RABGAP1L: variants seen among roughly 807,000 people sequenced by gnomAD.
RABGAP1L encodes the protein rab GTPase-activating protein 1-like.
Under a neutral mutation model 137.7 loss-of-function variants are expected in RABGAP1L, and 63 were observed. The observed-to-expected ratio is 0.46, with a 90% confidence interval of 0.37 to 0.56. RABGAP1L has a LOEUF of 0.56. RABGAP1L is among the 20% of genes least tolerant of loss of function. RABGAP1L has a pLI of 0.00. For synonymous variants in RABGAP1L, 431 were observed against 433.7 expected (o/e 0.99, Z 0.08); for missense variants, 1,095 against 1,244.0 (o/e 0.88, Z 1.80).
rs567089935 is a variant in RABGAP1L at position 174,314,412 on chromosome 1, C to T, written c.1465+9285C>T. On this transcript the variant is annotated intron_variant, in intron 11 of 25. Transcript: ENST00000681986. ...GTATCTTTTTGCTTTTTTTCTTAGTCTGGCTAAAGGTTTGTCAATTTTGTT... is the reference window on the plus strand; with the variant it reads ...GTATCTTTTTGCTTTTTTTCTTAGTTTGGCTAAAGGTTTGTCAATTTTGTT... Among the ~76,000 whole-genome samples, 5 of 152,136 alleles carry T rather than the reference C, an allele frequency of 3.3e-5. No individual in the cohort carries two copies. The East Asian group carries it at 9.6e-4, about 29-fold the overall frequency.
At chr1:174,195,649 C>CTTCCTTCCT (rs1667546083) in intron 1 of RABGAP1L, among the ~76,000 whole-genome samples, 7 of 116,284 alleles carry the variant, frequency 6.0e-5, no homozygotes, top group South Asian at 3.0e-4. Context: ...TCCTTCCTTC[C>CTTCCTTCCT]TTCCTTTCCT....
intron 19 of RABGAP1L, among the ~76,000 whole-genome samples, chr1:174,836,928 G>A (rs1416266900): frequency 6.6e-6 from 1 of 152,150 alleles, no homozygotes; most frequent in Non-Finnish European, 1.5e-5. Flanking sequence ...TGTTCCAGGC[G>A]GGGCGCAGTG....
rs966256140 is a variant in RABGAP1L at position 174,315,578 on chromosome 1, A to G, written c.1465+10451A>G. Among the ~76,000 whole-genome samples, 6 of 146,924 alleles carry G rather than the reference A, an allele frequency of 4.1e-5. No homozygotes were observed. The East Asian group carries it at 5.9e-4, about 14-fold the overall frequency. On this transcript the variant is annotated intron_variant, in intron 11 of 25. Transcript: ENST00000681986. ...TTCTTTCTTCCCTTCCTGTCTTTCT[A>G]TAGTGAAGATGATTTTCTCTGTTGC...
rs570215292 is a variant in RABGAP1L at position 174,234,354 on chromosome 1, T to C, written c.542+2999T>C. 8.6e-4 allele frequency among the ~76,000 whole-genome samples: 114 copies of C among 132,932 alleles called. 1 individual carries two copies. Among genetic ancestry groups the C allele is most frequent in the Non-Finnish European group, 1.3e-3 (89 of 65,994 alleles). 87.2% of individuals were successfully genotyped at this position (132,932 alleles called of 152,430 possible). A position where few individuals can be genotyped will look rare whatever the true frequency, so the allele number is the denominator to read the frequency against. Reference sequence around the variant, plus strand: ...GAAGTCCTTGCCCACGCCTATGTCCTGAATGGTAATGCCTAGGTTTTCTTC... The same window carrying C: ...GAAGTCCTTGCCCACGCCTATGTCCCGAATGGTAATGCCTAGGTTTTCTTC... On this transcript the variant is annotated intron_variant, in intron 4 of 25. Coordinates refer to ENST00000681986, the MANE Select transcript of RABGAP1L (RefSeq NM_001366446.1).
At chr1:174,632,893 C>T (rs982201604) in intron 13 of RABGAP1L, among the ~76,000 whole-genome samples, 27 of 151,734 alleles carry the variant, frequency 1.8e-4, no homozygotes, top group Admixed American at 4.6e-4. Context: ...TCTCTCAGCT[C>T]GTCAAAATCA....
At chr1:174,598,085 C>T (rs1208318879) in intron 13 of RABGAP1L, among the ~76,000 whole-genome samples, 1 of 152,054 alleles carries the variant, frequency 6.6e-6, no homozygotes. Context: ...AATCCCAGAA[C>T]TTTGAGAGGC....
intron 13 of RABGAP1L, among the ~76,000 whole-genome samples, chr1:174,506,951 A>G (rs2147786352): frequency 6.6e-6 from 1 of 152,288 alleles, no homozygotes; most frequent in Non-Finnish European, 1.5e-5. Flanking sequence ...TCTACAAAAA[A>G]AATACAAAAA....
intron 10 of RABGAP1L, among the ~76,000 whole-genome samples, chr1:174,279,652 T>A (rs950111937): frequency 7.9e-5 from 12 of 152,186 alleles, no homozygotes; most frequent in African/African-American, 2.9e-4. Context: ...TTTAAAAAAA[T>A]CTTTCATAAA....
At chr1:174,547,864 A>T in intron 13 of RABGAP1L, 1 of 1,540,512 alleles carries the variant, frequency 6.5e-7, no homozygotes, top group Non-Finnish European at 8.8e-7. Flanking sequence ...TCTTACACCG[A>T]GACAGACTAT....
At chr1:174,573,253 ATG>A (rs1162434702) in intron 13 of RABGAP1L, among the ~76,000 whole-genome samples, 1 of 151,574 alleles carries the variant, frequency 6.6e-6, no homozygotes, top group African/African-American at 2.4e-5. Context: ...GTGTGTATAT[ATG>A]TGTGACATAT....
intron 14 of RABGAP1L, among the ~76,000 whole-genome samples, chr1:174,679,948 C>CTTTG (rs1677921845): frequency 2.0e-5 from 3 of 152,040 alleles, no homozygotes; most frequent in Admixed American, 1.3e-4. Context: ...GATTACAGAC[C>CTTTG]TAAATGTAAA....
chr1:174,568,731 A>G (rs1173391638), intron 13 of RABGAP1L, among the ~76,000 whole-genome samples: 2 of 152,202 alleles, frequency 1.3e-5, no homozygotes, highest in East Asian at 3.9e-4. Context: ...GTGTGTGTAC[A>G]TGTTTGTGTA....
intron 13 of RABGAP1L, among the ~76,000 whole-genome samples, chr1:174,403,512 A>G (rs1358494328): frequency 1.3e-5 from 2 of 152,134 alleles, no homozygotes; most frequent in Non-Finnish European, 2.9e-5. Context: ...CAGGCTTAAT[A>G]GTAGTATCTA....
intron 12 of RABGAP1L, among the ~76,000 whole-genome samples, chr1:174,382,791 G>T (rs1336766421): frequency 4.0e-5 from 6 of 151,288 alleles, no homozygotes; most frequent in African/African-American, 1.5e-4. Flanking sequence ...CTCTCAGCTT[G>T]TCAAAGTCAT....
At chr1:174,619,132 G>C (rs529778321) in intron 13 of RABGAP1L, among the ~76,000 whole-genome samples, 5 of 152,136 alleles carry the variant, frequency 3.3e-5, no homozygotes, top group Non-Finnish European at 4.4e-5. Context: ...AAGAAATATG[G>C]GACTATGTGA....
chr1:174,876,415 T>A (rs993315184), intron 19 of RABGAP1L, among the ~76,000 whole-genome samples: 19 of 152,176 alleles, frequency 1.2e-4, no homozygotes, highest in Non-Finnish European at 2.6e-4. Context: ...AAAAACAACT[T>A]CAGAGAAGCC....
At chr1:174,279,207 A>G (rs1675275043) in intron 10 of RABGAP1L, among the ~76,000 whole-genome samples, 1 of 152,196 alleles carries the variant, frequency 6.6e-6, no homozygotes, top group Admixed American at 6.5e-5. Flanking sequence ...ATATTATATG[A>G]ACATCTTGTT....
chr1:174,239,138 C>T (rs1056744649), intron 4 of RABGAP1L, among the ~76,000 whole-genome samples: 11 of 152,164 alleles, frequency 7.2e-5, no homozygotes, highest in African/African-American at 1.9e-4. Context: ...GCGCACCGTG[C>T]GCGCACCAAC....
Position 174,341,532 on chromosome 1 carries a change from A to G in RABGAP1L, c.1466-29447A>G, listed in dbSNP as rs535916929. Among the ~76,000 whole-genome samples, 11 of 152,234 alleles carry G rather than the reference A, an allele frequency of 7.2e-5. No individual in the cohort carries two copies. In the South Asian group the frequency reaches 2.1e-3, roughly 29 times the overall value. On this transcript the variant is annotated intron_variant, in intron 11 of 25. Transcript: ENST00000681986. Reference sequence around the variant, plus strand: ...TGAAAACTTGACCGCTTACTCATGTATTTTATTGACATTGTTCAGAGTACA... The same window carrying G: ...TGAAAACTTGACCGCTTACTCATGTGTTTTATTGACATTGTTCAGAGTACA...
Sources: allele counts gnomAD v4.1 joint callset (sites outside exome capture counted in the v4.1 genomes callset), GRCh38; gene constraint gnomAD v4.1.1; transcripts MANE v1.5; gene names NCBI Gene and HGNC (gene_info 2026-07-23, HGNC 2026-07-21).